The following BTG4 variants were observed in gnomAD, a reference collection of about 807,000 sequenced individuals.
The protein encoded by BTG4 is protein BTG4.
A neutral mutation model predicts 19.3 loss-of-function variants in BTG4; 10 were observed. The ratio of observed to expected loss-of-function variants is 0.52; its 90% CI spans 0.32 to 0.88. The LOEUF (loss-of-function observed/expected upper bound fraction) is 0.88, where lower values mean the gene tolerates loss of function less well. Ranked by LOEUF, BTG4 falls within the 40% of genes least tolerant of loss-of-function variation. BTG4 has a pLI of 0.04. For missense variants in BTG4, 238 were observed against 281.9 expected, an observed-to-expected ratio of 0.84 and a Z score of 1.11; for synonymous variants, 91 against 95.7, an observed-to-expected ratio of 0.95 and a Z score of 0.29.
chr11:111,434,101 G>A, the BTG4 span, among the ~76,000 whole-genome samples: 10 of 152,292 alleles, frequency 6.6e-5, no homozygotes, highest in African/African-American at 1.9e-4. Context: ...ACATGCACAC[G>A]TATGTTTATT....
chr11:111,438,066 G>C, the BTG4 span, among the ~76,000 whole-genome samples: 1 of 152,298 alleles, frequency 6.6e-6, no homozygotes, highest in Admixed American at 6.5e-5. Flanking sequence ...AGCTGACCCT[G>C]TTATTAAGGG....
At chr11:111,472,652 C>A (rs1329389910) in intron 5 of BTG4, among the ~76,000 whole-genome samples, 3 of 152,222 alleles carry the variant, frequency 2.0e-5, no homozygotes, top group Admixed American at 6.5e-5. Flanking sequence ...ATTTGCAACT[C>A]TTTTCCCCCT....
chr11:111,446,773 C>T, the BTG4 span, among the ~76,000 whole-genome samples: 1 of 152,122 alleles, frequency 6.6e-6, no homozygotes, highest in Admixed American at 6.6e-5. Context: ...AAGCAGATGA[C>T]TGAGATGTGC....
chr11:111,437,743 G>A, the BTG4 span, among the ~76,000 whole-genome samples: 176 of 152,284 alleles, frequency 1.2e-3, no homozygotes, highest in Non-Finnish European at 1.7e-3. Flanking sequence ...ACTCCTAGGC[G>A]ACACTCTGCA....
chr11:111,453,556 G>GA, the BTG4 span: 1 of 456,002 alleles, frequency 2.2e-6, no homozygotes, highest in Non-Finnish European at 4.4e-6. Context: ...CCAAGACTCT[G>GA]ACGCCCCCAG....
chr11:111,446,624 AACACACACAC>A, the BTG4 span, among the ~76,000 whole-genome samples: 7 of 146,844 alleles, frequency 4.8e-5, no homozygotes, highest in Admixed American at 6.8e-5. Flanking sequence ...GACACCAATA[AACACACACAC>A]ACACACACAC....
At chr11:111,424,563 C>T in the BTG4 span, among the ~76,000 whole-genome samples, 1 of 152,176 alleles carries the variant, frequency 6.6e-6, no homozygotes, top group Non-Finnish European at 1.5e-5. Context: ...TAACTGGCCT[C>T]AAAGTCATTC....
At chr11:111,404,015 C>A in the BTG4 span, among the ~76,000 whole-genome samples, 8 of 152,152 alleles carry the variant, frequency 5.3e-5, no homozygotes, top group Non-Finnish European at 7.3e-5. Context: ...CAAATCTCAT[C>A]CTGAATTCCC....
chr11:111,404,768 T>C, the BTG4 span: 2 of 420,674 alleles, frequency 4.8e-6, no homozygotes, highest in South Asian at 3.4e-5. Context: ...CATGAAAACT[T>C]GGAGCTTTGA....
the BTG4 span, among the ~76,000 whole-genome samples, chr11:111,440,383 T>C: frequency 6.6e-6 from 1 of 152,194 alleles, no homozygotes; most frequent in Non-Finnish European, 1.5e-5. Flanking sequence ...AAGAGGTCTT[T>C]TCAGAAGCCA....
chr11:111,424,851 C>T, the BTG4 span, among the ~76,000 whole-genome samples: 10 of 152,208 alleles, frequency 6.6e-5, no homozygotes, highest in Admixed American at 3.9e-4. Flanking sequence ...CCAGCTTACT[C>T]AAGAGGCTGA....
the BTG4 span, among the ~76,000 whole-genome samples, chr11:111,443,093 G>C: frequency 6.6e-6 from 1 of 152,310 alleles, no homozygotes; most frequent in Admixed American, 6.5e-5. Context: ...TTCATACAAC[G>C]TGATGAAAAT....
At chr11:111,436,872 GTGTT>G in the BTG4 span, among the ~76,000 whole-genome samples, 1 of 152,144 alleles carries the variant, frequency 6.6e-6, no homozygotes, top group East Asian at 1.9e-4. Context: ...TCGCGTGTGG[GTGTT>G]TGTTGTATTT....
At chr11:111,486,002 A>T (rs2135596204) in intron 5 of BTG4, among the ~76,000 whole-genome samples, 1 of 152,352 alleles carries the variant, frequency 6.6e-6, no homozygotes, top group Admixed American at 6.5e-5. Context: ...GAAATGGATA[A>T]ATTCTTAGAC....
chr11:111,453,522 G>A, the BTG4 span: 30 of 456,552 alleles, frequency 6.6e-5, no homozygotes, highest in African/African-American at 3.2e-4. Context: ...CTGGGATAAT[G>A]TCAATAAGGA....
chr11:111,498,420 T>C (rs1256989444), intron 2 of BTG4, among the ~76,000 whole-genome samples, 184 bp downstream of exon 2: 1 of 152,252 alleles, frequency 6.6e-6, no homozygotes, highest in Non-Finnish European at 1.5e-5. Flanking sequence ...CTTTGCTCTG[T>C]TGTTTCCAGC....
At chr11:111,412,525 G>C in the BTG4 span, among the ~76,000 whole-genome samples, 25 of 152,096 alleles carry the variant, frequency 1.6e-4, no homozygotes, top group African/African-American at 5.3e-4. Context: ...CTTTCAAAAG[G>C]GTTTGAGGCA....
chr11:111,471,561 C>A (rs535789150), intron 5 of BTG4, among the ~76,000 whole-genome samples: 1 of 152,282 alleles, frequency 6.6e-6, no homozygotes, highest in African/African-American at 2.4e-5. Context: ...TCTCAGTCTT[C>A]TTTGCTGATC....
At chr11:111,387,983 C>T in the BTG4 span, among the ~76,000 whole-genome samples, 6 of 152,112 alleles carry the variant, frequency 3.9e-5, no homozygotes, top group African/African-American at 1.4e-4. Context: ...CCCCACTTCC[C>T]ACACAGTCAG....
Sources: gnomAD v4.1 joint callset for allele counts (sites outside exome capture counted in the v4.1 genomes callset) on GRCh38, gnomAD v4.1.1 for gene constraint, MANE v1.5 for transcripts, NCBI Gene and HGNC (gene_info 2026-07-23, HGNC 2026-07-21) for gene names.